The following GALNT18 variants were observed in gnomAD, a reference collection of about 807,000 sequenced individuals.
GALNT18 encodes polypeptide N-acetylgalactosaminyltransferase 18.
Under a neutral mutation model 69.5 loss-of-function variants are expected in GALNT18, and 44 were observed. The observed-to-expected ratio is 0.63, with a 90% CI of 0.50 to 0.81. GALNT18 has a LOEUF of 0.81. GALNT18 is among the 40% of genes least tolerant of loss of function. The pLI is 0.00. For synonymous variants in GALNT18, 364 were observed against 318.2 expected (o/e 1.14, Z -1.53); for missense variants, 715 against 810.0 (o/e 0.88, Z 1.42).
intron 1 of GALNT18, among the ~76,000 whole-genome samples, chr11:11,488,001 G>T (rs1856679257): frequency 6.6e-6 from 1 of 152,212 alleles, no homozygotes. Flanking sequence ...TAAATGAACA[G>T]CTGGGTATGG....
At position 11,555,448 on chromosome 11, in the gene GALNT18, G is replaced by A. The variant is rs945583181; in HGVS notation, c.235+65911C>T. Among the ~76,000 whole-genome samples, 8 of 152,206 alleles carry A rather than the reference G, an allele frequency of 5.3e-5. No individual in the cohort carries two copies. Among genetic ancestry groups the A allele is most frequent in the East Asian group, 1.9e-4 (1 of 5,192 alleles). On this transcript the variant is annotated intron_variant, in intron 1 of 10. Coordinates refer to ENST00000227756, the MANE Select transcript of GALNT18 (RefSeq NM_198516.3). This position sits in a 1 kb window ranked among gnomAD's most constrained non-coding sequence, Gnocchi z 4.7. ...CAGGAGTGGCCACGTGCCAGCAGGC[G>A]TGCAGCTTAAAACACAGGTCTGGCG...
chr11:11,342,424 C>T (rs1850224837), intron 6 of GALNT18, among the ~76,000 whole-genome samples: 1 of 152,166 alleles, frequency 6.6e-6, no homozygotes, highest in Admixed American at 6.5e-5. Context: ...AGATATATAA[C>T]ATGTACCCAT....
At chr11:11,423,890 T>C (rs1855067711) in intron 3 of GALNT18, among the ~76,000 whole-genome samples, 1 of 152,236 alleles carries the variant, frequency 6.6e-6, no homozygotes, top group South Asian at 2.1e-4. Flanking sequence ...GATTAATTTA[T>C]GGTGAAGTAC....
At chr11:11,289,243 TATTA>T (rs10533528) in intron 10 of GALNT18, among the ~76,000 whole-genome samples, 21,203 of 152,132 alleles carry the variant, frequency 0.14, 1,659 homozygotes, top group Middle Eastern at 0.19. Context: ...CTTCCACATA[TATTA>T]ATTATTAAAT....
chr11:11,296,992 A>G (rs927864063), intron 9 of GALNT18, among the ~76,000 whole-genome samples: 1 of 152,222 alleles, frequency 6.6e-6, no homozygotes, highest in Admixed American at 6.5e-5. Flanking sequence ...CTTTCTGAGC[A>G]ATGGGGACTC....
chr11:11,374,461 C>A (rs1464777715), intron 5 of GALNT18, among the ~76,000 whole-genome samples: 1 of 152,206 alleles, frequency 6.6e-6, no homozygotes, highest in African/African-American at 2.4e-5. Flanking sequence ...TCAGAAACAT[C>A]AGGCTGGCAG....
chr11:11,428,070 G>A (rs1333819463), intron 3 of GALNT18, among the ~76,000 whole-genome samples: 11 of 152,326 alleles, frequency 7.2e-5, no homozygotes, highest in Non-Finnish European at 1.2e-4. Context: ...TCTTCCTTCC[G>A]TTAGCCCAGG....
chr11:11,455,123 G>C (rs2133829354), intron 1 of GALNT18, among the ~76,000 whole-genome samples: 1 of 152,318 alleles, frequency 6.6e-6, no homozygotes, highest in East Asian at 1.9e-4. Flanking sequence ...GGGCCTTGGA[G>C]CTCACTGTCA....
intron 10 of GALNT18, among the ~76,000 whole-genome samples, chr11:11,277,145 C>CT (rs1304935193): frequency 6.6e-6 from 1 of 152,056 alleles, no homozygotes; most frequent in African/African-American, 2.4e-5. Flanking sequence ...TGGTCCTGGA[C>CT]TTTTTTTGGT....
At position 11,555,812 on chromosome 11, in the gene GALNT18, T is replaced by C. The variant is rs1450877973; in HGVS notation, c.235+65547A>G. Among the ~76,000 whole-genome samples, 4 of 152,210 alleles carry C rather than the reference T, an allele frequency of 2.6e-5. No individual in the cohort carries two copies. The highest frequency in any genetic ancestry group is 1.5e-5 in the Non-Finnish European group (1 of 68,028). On this transcript the variant is annotated intron_variant, in intron 1 of 10. Coordinates refer to ENST00000227756, the MANE Select transcript of GALNT18 (RefSeq NM_198516.3). This position sits in a 1 kb window ranked among gnomAD's most constrained non-coding sequence, Gnocchi z 4.7. ...GGAATAGCCTGGCTGGGGATGCATC[T>C]CTACCAGACCAAGTGGACTCTGTCT...
intron 9 of GALNT18, among the ~76,000 whole-genome samples, chr11:11,310,592 C>T (rs914201287): frequency 6.6e-6 from 1 of 152,110 alleles, no homozygotes; most frequent in Non-Finnish European, 1.5e-5. Flanking sequence ...ACCTCCACTC[C>T]CATACGTGTT....
At position 11,596,644 on chromosome 11, in the gene GALNT18, T is replaced by C. The variant is rs1324314387; in HGVS notation, c.235+24715A>G. On this transcript the variant is annotated intron_variant, in intron 1 of 10. Coordinates refer to ENST00000227756, the MANE Select transcript of GALNT18 (RefSeq NM_198516.3). This position sits in a 1 kb window ranked among gnomAD's most constrained non-coding sequence, Gnocchi z 4.2. ...TCCATTATACATGATTTTTTATAGT[T>C]TGTTTTCAGATCGCCCACTGATAGT... 6.6e-6 allele frequency among the ~76,000 whole-genome samples: 1 copy of C among 152,186 alleles called. No homozygotes were observed. Among genetic ancestry groups the C allele is most frequent in the Non-Finnish European group, 1.5e-5 (1 of 68,008 alleles).
chr11:11,536,203 A>G (rs1857769273), intron 1 of GALNT18, among the ~76,000 whole-genome samples: 1 of 152,194 alleles, frequency 6.6e-6, no homozygotes, highest in Non-Finnish European at 1.5e-5. Flanking sequence ...ATAATAAAAT[A>G]TTTCATTTAT....
chr11:11,577,231 T>C (rs889872857), intron 1 of GALNT18, among the ~76,000 whole-genome samples: 3 of 152,296 alleles, frequency 2.0e-5, no homozygotes, highest in Non-Finnish European at 1.5e-5. Flanking sequence ...ATTCTGATTA[T>C]TGTCATCATC....
At chr11:11,331,447 T>A (rs1321684112) in intron 8 of GALNT18, among the ~76,000 whole-genome samples, 3 of 152,160 alleles carry the variant, frequency 2.0e-5, no homozygotes, top group African/African-American at 7.2e-5. Flanking sequence ...GGGGGGCACA[T>A]AGGGAGCACT....
rs34166465 is a variant in GALNT18 at position 11,293,533 on chromosome 11, CTTTTT to C, written c.1513-345_1513-341del. On this transcript the variant is annotated intron_variant, in intron 9 of 10. Coordinates refer to ENST00000227756, the MANE Select transcript of GALNT18 (RefSeq NM_198516.3). ...TTCTTCACCCAGTTTACAAACCCCT[CTTTTT>C]TTTTTTTTTTTTTTTTTTTGGAGAC... Among the ~76,000 whole-genome samples, 285 of 80,158 alleles carry C rather than the reference CTTTTT, an allele frequency of 3.6e-3. 1 individual carries two copies. Among genetic ancestry groups the C allele is most frequent in the African/African-American group, 0.013 (257 of 19,942 alleles). The allele number at this position is 80,158 out of a possible 152,430, so 52.6% of individuals were successfully genotyped here.
At chr11:11,522,066 C>T (rs1857411185) in intron 1 of GALNT18, among the ~76,000 whole-genome samples, 1 of 152,140 alleles carries the variant, frequency 6.6e-6, no homozygotes, top group Non-Finnish European at 1.5e-5. Flanking sequence ...ATGTCAGCCA[C>T]ACTGGGGCGG....
chr11:11,357,505 A>G (rs1564908858), intron 6 of GALNT18, among the ~76,000 whole-genome samples: 1 of 152,168 alleles, frequency 6.6e-6, no homozygotes. Flanking sequence ...TCTGTCTTCT[A>G]TCACTTCCCC....
chr11:11,288,508 A>G (rs1304725113), intron 10 of GALNT18, among the ~76,000 whole-genome samples: 1 of 152,126 alleles, frequency 6.6e-6, no homozygotes, highest in Non-Finnish European at 1.5e-5. Flanking sequence ...ATTCGGTTCC[A>G]TTGTGTTTAC....
Sources: allele counts gnomAD v4.1 joint callset (sites outside exome capture counted in the v4.1 genomes callset), GRCh38; gene constraint gnomAD v4.1.1; non-coding constraint Gnocchi (gnomAD v3.1); transcripts MANE v1.5; gene names NCBI Gene and HGNC (gene_info 2026-07-23, HGNC 2026-07-21).